Variants in ESRRG observed in about 807,000 individuals in gnomAD.
ESRRG encodes estrogen related receptor gamma, also known as estrogen-related receptor gamma.
In ESRRG, 13 loss-of-function variants were observed where a neutral mutation model predicts 44.0. That is an observed-to-expected ratio of 0.30 (90% confidence interval 0.19 to 0.47). ESRRG has a LOEUF of 0.47. Ranked by LOEUF, ESRRG falls within the 20% of genes least tolerant of loss-of-function variation. The pLI is 1.00. For missense variants in ESRRG, 395 were observed against 580.6 expected (o/e 0.68, Z 3.29); for synonymous variants, 215 against 214.6 (o/e 1.00, Z -0.02).
At chr1:216,889,871 G>T (rs772139057) in intron 2 of ESRRG, among the ~76,000 whole-genome samples, 1 of 152,078 alleles carries the variant, frequency 6.6e-6, no homozygotes, top group Non-Finnish European at 1.5e-5. Context: ...AGATGAAAAG[G>T]TCTCTTTTTA....
At chr1:216,761,077 G>A (rs113920354) in intron 2 of ESRRG, among the ~76,000 whole-genome samples, 3,416 of 151,778 alleles carry the variant, frequency 0.023, 57 homozygotes, top group Non-Finnish European at 0.031. Context: ...GGGGACAGGT[G>A]TTAATGTCTA....
intron 2 of ESRRG, among the ~76,000 whole-genome samples, chr1:216,924,937 T>C (rs533842960): frequency 2.0e-5 from 3 of 152,300 alleles, no homozygotes; most frequent in African/African-American, 7.2e-5. Context: ...TTACATCTAG[T>C]AGCTCTCCCC....
At chr1:216,619,905 G>A (rs6700153) in intron 3 of ESRRG, among the ~76,000 whole-genome samples, 2,615 of 152,206 alleles carry the variant, frequency 0.017, 79 homozygotes, top group African/African-American at 0.059. Flanking sequence ...CCTATTCAAT[G>A]TGAATTAGAA....
intron 2 of ESRRG, among the ~76,000 whole-genome samples, chr1:216,935,388 T>A (rs890017116): frequency 6.6e-6 from 1 of 152,192 alleles, no homozygotes; most frequent in Admixed American, 6.5e-5. Context: ...CTAGAGCAGC[T>A]CATAAAACTC....
chr1:217,078,017 T>C lies in ESRRG; in HGVS notation c.-106+11490A>G, dbSNP rs549492749. The C allele has an allele frequency of 4.6e-5, 7 of 152,306 alleles. No individual in the cohort carries two copies. The East Asian group carries it at 1.4e-3, about 29-fold the overall frequency. The allele number at this position is 152,306 out of a possible 1,614,324, so 9.4% of individuals were successfully genotyped here. A position where few individuals can be genotyped will look rare whatever the true frequency, so the allele number is the denominator to read the frequency against. On this transcript the variant is annotated intron_variant, in intron 1 of 7. Coordinates refer to the ESRRG transcript ENST00000359162. ...AATTGATTTGTTTCCTCAGAACAAATTGAAAATGAATGTAACATAACGTCG... is the reference window on the plus strand; with the variant it reads ...AATTGATTTGTTTCCTCAGAACAAACTGAAAATGAATGTAACATAACGTCG...
At chr1:216,630,043 AT>A (rs2063862216) in intron 3 of ESRRG, among the ~76,000 whole-genome samples, 1 of 152,306 alleles carries the variant, frequency 6.6e-6, no homozygotes, top group Non-Finnish European at 1.5e-5. Flanking sequence ...TGACACCACC[AT>A]TTTAAGTAAA....
chr1:217,058,348 G>C (rs1455545358), intron 1 of ESRRG, among the ~76,000 whole-genome samples: 2 of 152,262 alleles, frequency 1.3e-5, no homozygotes, highest in Middle Eastern at 3.4e-3. Flanking sequence ...CAAACAAATT[G>C]TTATGAATAT....
intron 3 of ESRRG, among the ~76,000 whole-genome samples, chr1:216,598,410 T>C (rs2058737056): frequency 6.6e-6 from 1 of 152,174 alleles, no homozygotes; most frequent in East Asian, 1.9e-4. Flanking sequence ...TGGGAACTTC[T>C]CTATATAGAA....
At chr1:216,983,800 T>TA (rs71303009) in intron 1 of ESRRG, among the ~76,000 whole-genome samples, 25,479 of 151,762 alleles carry the variant, frequency 0.17, 2,867 homozygotes, top group Admixed American at 0.29. Flanking sequence ...CAAGTTATTA[T>TA]AAAAAATGCA....
chr1:217,101,156 T>C (rs1029433597), intron 1 of ESRRG, among the ~76,000 whole-genome samples: 2 of 152,200 alleles, frequency 1.3e-5, no homozygotes, highest in African/African-American at 4.8e-5. Flanking sequence ...ACTTCAACTT[T>C]TTCTTTGGAG....
intron 2 of ESRRG, among the ~76,000 whole-genome samples, chr1:216,910,485 C>A (rs999999996): frequency 6.6e-6 from 1 of 152,306 alleles, no homozygotes; most frequent in Middle Eastern, 3.4e-3. Flanking sequence ...TCTGCCATCA[C>A]CACCTTCCTT....
chr1:216,954,308 C>T (rs2067535141), intron 1 of ESRRG, among the ~76,000 whole-genome samples: 1 of 152,110 alleles, frequency 6.6e-6, no homozygotes, highest in South Asian at 2.1e-4. Context: ...CTGAAGAAGT[C>T]TTCACACCTC....
Position 216,912,183 on chromosome 1 carries a change from A to AGGAG in ESRRG, c.-14+27398_-14+27399insCTCC, listed in dbSNP as rs1560083303. Among the ~76,000 whole-genome samples the AGGAG allele has an allele frequency of 4.2e-3, 89 of 21,154 alleles. 10 individuals are homozygous for AGGAG. Among genetic ancestry groups the AGGAG allele is most frequent in the South Asian group, 0.01 (6 of 574 alleles). 13.9% of individuals were successfully genotyped at this position (21,154 alleles called of 152,430 possible). ...AAGAAAAGAAAAGAAAAGAAAAGAAAAGGAGAGGAGAGGAGAGGAGAGGAG... is the reference window on the plus strand; with the variant it reads ...AAGAAAAGAAAAGAAAAGAAAAGAAAGGAGAGGAGAGGAGAGGAGAGGAGAGGAG... On this transcript the variant is annotated intron_variant, in intron 2 of 7. Coordinates refer to the ESRRG transcript ENST00000359162.
chr1:216,729,650 G>A (rs2088301732), intron 2 of ESRRG, among the ~76,000 whole-genome samples: 1 of 152,150 alleles, frequency 6.6e-6, no homozygotes, highest in Admixed American at 6.5e-5. Context: ...ACTTGGGAAA[G>A]TTAACTGATT....
chr1:217,096,412 A>G (rs1050528598), intron 1 of ESRRG, among the ~76,000 whole-genome samples: 6 of 152,214 alleles, frequency 3.9e-5, no homozygotes, highest in African/African-American at 1.4e-4. Flanking sequence ...AGCGTCATGG[A>G]AAGAACACTA....
At chr1:216,577,815 A>G (rs1006071145) in intron 3 of ESRRG, among the ~76,000 whole-genome samples, 2 of 152,072 alleles carry the variant, frequency 1.3e-5, no homozygotes, top group African/African-American at 4.8e-5. Flanking sequence ...AAGGTGCCAT[A>G]TGAGCCTGGA....
intron 2 of ESRRG, among the ~76,000 whole-genome samples, chr1:216,670,248 C>T (rs1011489715): frequency 1.3e-5 from 2 of 152,214 alleles, no homozygotes; most frequent in African/African-American, 4.8e-5. Context: ...AAATGCAACA[C>T]CAGGAAAGAT....
intron 1 of ESRRG, among the ~76,000 whole-genome samples, chr1:216,975,536 C>T (rs1196748484): frequency 6.6e-6 from 1 of 152,172 alleles, no homozygotes; most frequent in East Asian, 1.9e-4. Context: ...TTTATTCTGG[C>T]TCTAGTCTCT....
At chr1:216,830,047 A>G (rs2095462113) in intron 2 of ESRRG, among the ~76,000 whole-genome samples, 1 of 152,170 alleles carries the variant, frequency 6.6e-6, no homozygotes, top group Non-Finnish European at 1.5e-5. Context: ...ACACATGCAC[A>G]CACACAGGAA....
Sources: gnomAD v4.1 joint callset for allele counts (sites outside exome capture counted in the v4.1 genomes callset) on GRCh38, gnomAD v4.1.1 for gene constraint, MANE v1.5 for transcripts, NCBI Gene and HGNC (gene_info 2026-07-23, HGNC 2026-07-21) for gene names.